The following DLGAP2 variants were observed in gnomAD, a reference collection of about 807,000 sequenced individuals.
DLGAP2 encodes DLG associated protein 2, also known as disks large-associated protein 2.
In DLGAP2, 26 loss-of-function variants were observed where a neutral mutation model predicts 100.3. That is an observed-to-expected ratio of 0.26 (90% CI 0.19 to 0.36). The LOEUF is 0.36. Ranked by LOEUF, DLGAP2 falls within the 10% of genes least tolerant of loss-of-function variation. The probability of loss-of-function intolerance (pLI) is 1.00; values close to 1 mark genes in which losing one functional copy is unlikely to be tolerated. For missense variants in DLGAP2, 1,858 were observed against 1,453.2 expected (o/e 1.28, Z -4.53); for synonymous variants, 886 against 630.1 (o/e 1.41, Z -6.08).
chr8:1,174,294 T>A (rs983899003), intron 2 of DLGAP2, among the ~76,000 whole-genome samples: 3 of 151,310 alleles, frequency 2.0e-5, no homozygotes, highest in Non-Finnish European at 4.4e-5. Flanking sequence ...ACCACCATCA[T>A]CACCACCGTC....
Position 1,199,203 on chromosome 8 carries a change from A to C in DLGAP2, c.74-59648A>C, listed in dbSNP as rs1797817523. Among the ~76,000 whole-genome samples, 3 of 152,342 alleles carry C rather than the reference A, an allele frequency of 2.0e-5. No individual in the cohort carries two copies. In the South Asian group the frequency reaches 6.2e-4, roughly 32 times the overall value. On this transcript the variant is annotated intron_variant, in intron 2 of 14. Transcript: ENST00000637795. ...GGTATTGATGAATAGTGTAGAAATGAGATTTTAATATCTTCACTCAGTGTG... is the reference window on the plus strand; with the variant it reads ...GGTATTGATGAATAGTGTAGAAATGCGATTTTAATATCTTCACTCAGTGTG...
chr8:1,220,795 G>A (rs188009117), intron 2 of DLGAP2, among the ~76,000 whole-genome samples: 30 of 152,274 alleles, frequency 2.0e-4, no homozygotes, highest in African/African-American at 6.7e-4. Flanking sequence ...AGCATTGGGT[G>A]CCTATATATT....
At chr8:1,105,640 G>A (rs1804732875) in intron 2 of DLGAP2, among the ~76,000 whole-genome samples, 1 of 149,166 alleles carries the variant, frequency 6.7e-6, no homozygotes, top group Non-Finnish European at 1.5e-5. Flanking sequence ...TTTACTGAAG[G>A]GAGCCATTCT....
intron 8 of DLGAP2, among the ~76,000 whole-genome samples, chr8:1,658,491 G>C (rs747469190): frequency 1.3e-5 from 2 of 152,120 alleles, no homozygotes; most frequent in Non-Finnish European, 2.9e-5. Context: ...TTTTTGGTTG[G>C]TAGGCTATTA....
chr8:768,061 A>G (rs1821259739), intron 1 of DLGAP2, among the ~76,000 whole-genome samples: 1 of 152,222 alleles, frequency 6.6e-6, no homozygotes, highest in Non-Finnish European at 1.5e-5. Context: ...TCAGCTCTCT[A>G]GTGTTTTCCC....
At chr8:1,357,529 G>A (rs1300874111) in intron 3 of DLGAP2, among the ~76,000 whole-genome samples, 2 of 151,978 alleles carry the variant, frequency 1.3e-5, no homozygotes, top group African/African-American at 2.4e-5. Flanking sequence ...GTAGTAGTGA[G>A]ACAGCAAATA....
At chr8:1,003,658 T>G (rs531199004) in intron 2 of DLGAP2, among the ~76,000 whole-genome samples, 19 of 152,292 alleles carry the variant, frequency 1.2e-4, no homozygotes, top group African/African-American at 4.1e-4. Flanking sequence ...ATCTGGAGAT[T>G]TGACTGGGCA....
At chr8:1,438,014 C>G (rs1238621692) in intron 3 of DLGAP2, among the ~76,000 whole-genome samples, 1 of 151,806 alleles carries the variant, frequency 6.6e-6, no homozygotes, top group African/African-American at 2.4e-5. Flanking sequence ...AAAATAAAAA[C>G]CAAAGTAGGA....
In DLGAP2 at chr8:1,608,966, A is replaced by G. The variant is rs372195460; in HGVS notation, c.1443-17774A>G. 1.8e-3 allele frequency among the ~76,000 whole-genome samples: 266 copies of G among 151,592 alleles called. 2 individuals are homozygous for G. Among genetic ancestry groups the G allele is most frequent in the African/African-American group, 5.9e-3 (243 of 41,146 alleles). On this transcript the variant is annotated intron_variant, in intron 6 of 14. Transcript: ENST00000637795. Reference sequence around the variant, plus strand: ...ATGGAACCAAGTTGGAAAACACTCTACAGGATATTATCCAGGAGAACTTCC... The same window carrying G: ...ATGGAACCAAGTTGGAAAACACTCTGCAGGATATTATCCAGGAGAACTTCC...
At chr8:1,692,655 G>A (rs537799628) in intron 13 of DLGAP2, among the ~76,000 whole-genome samples, 6 of 152,174 alleles carry the variant, frequency 3.9e-5, no homozygotes, top group Admixed American at 1.3e-4. Flanking sequence ...AATGATCTAA[G>A]GTGCCTGGAA....
At chr8:1,666,328 C>G (rs1256938037) in intron 8 of DLGAP2, among the ~76,000 whole-genome samples, 1 of 152,174 alleles carries the variant, frequency 6.6e-6, no homozygotes, top group Non-Finnish European at 1.5e-5. Flanking sequence ...ATCATCCTTC[C>G]TCAGTTTTCT....
chr8:1,586,097 C>G (rs867952619), intron 6 of DLGAP2, among the ~76,000 whole-genome samples: 2 of 152,228 alleles, frequency 1.3e-5, no homozygotes, highest in Non-Finnish European at 2.9e-5. Flanking sequence ...GGCGTTTATC[C>G]TCAGCCAAGT....
intron 2 of DLGAP2, among the ~76,000 whole-genome samples, chr8:1,237,181 C>CGCCGTGTCTAGTTCTCTCACGTGGT (rs1798678520): frequency 7.5e-6 from 1 of 132,466 alleles, no homozygotes; most frequent in Admixed American, 7.3e-5. Context: ...TCTCACATGG[C>CGCCGTGTCTAGTTCTCTCACGTGGT]GCCGTGTGTA....
chr8:1,216,920 A>G (rs568204142), intron 2 of DLGAP2, among the ~76,000 whole-genome samples: 1 of 152,286 alleles, frequency 6.6e-6, no homozygotes, highest in South Asian at 2.1e-4. Flanking sequence ...TTTCTCATTT[A>G]CAGTGAGACC....
intron 2 of DLGAP2, among the ~76,000 whole-genome samples, chr8:1,129,074 C>T (rs1333464990): frequency 6.6e-6 from 1 of 152,164 alleles, no homozygotes; most frequent in Admixed American, 6.5e-5. Context: ...TCCTCTGTCG[C>T]TTTTGTGTAC....
intron 2 of DLGAP2, among the ~76,000 whole-genome samples, chr8:1,061,950 C>A (rs569748537): frequency 6.6e-6 from 1 of 151,850 alleles, no homozygotes; most frequent in Non-Finnish European, 1.5e-5. Context: ...AGGAAGTTGC[C>A]CATTTATGGC....
At chr8:1,138,252 G>A (rs1796458028) in intron 2 of DLGAP2, among the ~76,000 whole-genome samples, 1 of 152,202 alleles carries the variant, frequency 6.6e-6, no homozygotes, top group South Asian at 2.1e-4. Flanking sequence ...GGTTCTCTAA[G>A]CATCGCAGGA....
At position 1,013,597 on chromosome 8, in the gene DLGAP2, G is replaced by A. The variant is rs145981595; in HGVS notation, c.73+105631G>A. Among the ~76,000 whole-genome samples the A allele has an allele frequency of 1.3e-3, 194 of 147,708 alleles. 6 individuals are homozygous for A. In the South Asian group the frequency reaches 0.02, roughly 15 times the overall value. On this transcript the variant is annotated intron_variant, in intron 2 of 14. Transcript: ENST00000637795. The stretch of plus-strand genomic sequence containing the variant: ...ACCTGGCCCAGCAAACGGACAGACG[G>A]CGCCTCCACTGTGTGTGTGACCAGG...
intron 1 of DLGAP2, among the ~76,000 whole-genome samples, chr8:873,429 T>C (rs1321433462): frequency 2.6e-5 from 4 of 152,220 alleles, no homozygotes; most frequent in African/African-American, 9.6e-5. Context: ...CAGAATTTAG[T>C]CTTCCACCAC....
Sources: allele counts gnomAD v4.1 joint callset (sites outside exome capture counted in the v4.1 genomes callset), GRCh38; gene constraint gnomAD v4.1.1; transcripts MANE v1.5; gene names NCBI Gene and HGNC (gene_info 2026-07-23, HGNC 2026-07-21).